The following DNAH10 variants were observed in gnomAD, a reference collection of about 807,000 sequenced individuals.
DNAH10 encodes the protein axonemal beta dynein heavy chain 10.
A neutral mutation model predicts 506.6 loss-of-function variants in DNAH10; 348 were observed. That is an observed-to-expected ratio of 0.69 (90% CI 0.63 to 0.75). DNAH10 has a LOEUF of 0.75. Among genes scored for constraint, DNAH10 ranks in the 30% least tolerant of loss-of-function variants. The probability of loss-of-function intolerance (pLI) is 0.00; values close to 1 mark genes in which losing one functional copy is unlikely to be tolerated. For missense variants in DNAH10, 5,179 were observed against 5,787.1 expected (o/e 0.89, Z 3.41); for synonymous variants, 2,059 against 2,198.6 (o/e 0.94, Z 1.78).
intron 58 of DNAH10, among the ~76,000 whole-genome samples, chr12:123,910,131 C>G (rs1237441779): frequency 6.6e-6 from 1 of 152,182 alleles, no homozygotes; most frequent in Non-Finnish European, 1.5e-5. Context: ...CTACAAAAAC[C>G]CAAGGCACTC....
rs202083798 is a variant in DNAH10, at chr12:123,898,768, C to G, written c.9594C>G (p.Ala3198=). 1 of 1,612,436 alleles carries G rather than the reference C, an allele frequency of 6.2e-7. No individual in the cohort carries two copies. The highest frequency in any genetic ancestry group is 1.3e-5 in the African/African-American group (1 of 74,988). The change falls in exon 56 of 79, where the codon GCC becomes GCG. Residue 3198 remains alanine, a synonymous_variant. Transcript: ENST00000673944. The part of the protein sequence containing the change: ...EQKIVLAEKS[A]ACEALLEEIA... ...AGATCGTGCTGGCGGAGAAGTCCGC[C>G]GCCTGCGAGGCCTTGCTGGAGGAGA...
At chr12:123,808,173 C>T (rs189334613) in intron 18 of DNAH10, among the ~76,000 whole-genome samples, 8 of 152,298 alleles carry the variant, frequency 5.3e-5, no homozygotes, top group African/African-American at 1.9e-4. Flanking sequence ...TCTGGGACCA[C>T]AGGCGTGTGC....
At chr12:123,904,524 G>A (rs548849723) in intron 57 of DNAH10, among the ~76,000 whole-genome samples, 1 of 152,074 alleles carries the variant, frequency 6.6e-6, no homozygotes, top group Non-Finnish European at 1.5e-5. Flanking sequence ...TGGAGGAGTG[G>A]GGGGGAGCTT....
At position 123,931,815 on chromosome 12, in the gene DNAH10, C is replaced by G. The variant is rs370371005; in HGVS notation, c.13096C>G (p.Arg4366Gly). The part of the protein sequence containing the change: ...ELERFNKLVV[R>G]MTKSLAELQR... ...GGAACGCTTCAACAAGCTTGTGGTCCGGATGACGAAGTCTCTGGCTGAACT... is the reference window on the plus strand; with the variant it reads ...GGAACGCTTCAACAAGCTTGTGGTCGGGATGACGAAGTCTCTGGCTGAACT... Residue 4366 changes from arginine (R) to glycine (G), a missense_variant, in exon 75 of 79, where the codon CGG (arginine) becomes GGG (glycine). Coordinates refer to ENST00000673944, the MANE Select transcript of DNAH10 (RefSeq NM_001372106.1). The G allele has an allele frequency of 9.3e-6, 15 of 1,613,858 alleles. No homozygotes were observed. Among genetic ancestry groups the G allele is most frequent in the African/African-American group, 5.3e-5 (4 of 74,914 alleles).
chr12:123,765,406 T>TA (rs956933508), intron 1 of DNAH10, among the ~76,000 whole-genome samples: 6 of 152,198 alleles, frequency 3.9e-5, no homozygotes, highest in Non-Finnish European at 7.3e-5. Flanking sequence ...CTCCATCCCT[T>TA]AAGCCCCAGT....
chr12:123,868,899 T>C (rs903622953), intron 43 of DNAH10, among the ~76,000 whole-genome samples: 1 of 152,232 alleles, frequency 6.6e-6, no homozygotes, highest in African/African-American at 2.4e-5. Flanking sequence ...AACTGAAATC[T>C]CCCTTTGGGG....
intron 30 of DNAH10, among the ~76,000 whole-genome samples, chr12:123,844,362 G>A (rs542029517): frequency 6.6e-6 from 1 of 152,272 alleles, no homozygotes; most frequent in African/African-American, 2.4e-5. Context: ...ACAGCTCTGA[G>A]TCCATTATTT....
intron 48 of DNAH10, among the ~76,000 whole-genome samples, chr12:123,878,742 T>G (rs114055398): frequency 0.012 from 1,757 of 151,988 alleles, 36 homozygotes; most frequent in African/African-American, 0.04. Context: ...ACAAAAAAAT[T>G]TAAAAAATTA....
At chr12:123,897,462 G>A (rs760209007) in intron 54 of DNAH10, among the ~76,000 whole-genome samples, 15 of 152,262 alleles carry the variant, frequency 9.9e-5, no homozygotes, top group Non-Finnish European at 2.1e-4. Context: ...GGTGAGTCAC[G>A]CCTGTAATCC....
intron 45 of DNAH10, among the ~76,000 whole-genome samples, chr12:123,873,326 C>T (rs1224753647): frequency 6.6e-6 from 1 of 152,162 alleles, no homozygotes; most frequent in Non-Finnish European, 1.5e-5. Flanking sequence ...CACATTGTCC[C>T]CAAGGCTCAC....
At chr12:123,796,500 A>C (rs936477069) in intron 12 of DNAH10, among the ~76,000 whole-genome samples, 156 bp from the exon 13 acceptor site, 1 of 152,218 alleles carries the variant, frequency 6.6e-6, no homozygotes, top group Non-Finnish European at 1.5e-5. Context: ...CATAAGAAAA[A>C]GTAGTAAATA....
chr12:123,884,874 T>C (rs11057383), intron 51 of DNAH10, among the ~76,000 whole-genome samples: 70,801 of 152,088 alleles, frequency 0.47, 16,869 homozygotes, highest in Non-Finnish European at 0.51. Context: ...CACCTAAAGA[T>C]TGCCACTGTT....
intron 2 of DNAH10, among the ~76,000 whole-genome samples, chr12:123,768,148 T>C (rs1161390679): frequency 1.0e-5 from 1 of 100,374 alleles, no homozygotes; most frequent in East Asian, 1.9e-4. Context: ...CCTCCTTTTT[T>C]TTTGAGACAG....
At chr12:123,808,437 C>G (rs1319119534) in intron 18 of DNAH10, among the ~76,000 whole-genome samples, 1 of 152,160 alleles carries the variant, frequency 6.6e-6, no homozygotes, top group Non-Finnish European at 1.5e-5. Context: ...AGTTCCATCC[C>G]TGGGTGTCAC....
chr12:123,849,070 G>A (rs1024256498), intron 34 of DNAH10, among the ~76,000 whole-genome samples, 188 bp downstream of exon 34: 2 of 152,170 alleles, frequency 1.3e-5, no homozygotes, highest in African/African-American at 4.8e-5. Context: ...GATAAGGTTT[G>A]TAATAGTCCA....
Position 123,928,226 on chromosome 12 carries a change from G to A in DNAH10, c.12106-161G>A. ...GGGCCCATGGGGTTTCTCAAAGATG[G>A]TTTATTTGAAGGCTCCACCTGTAGC... On this transcript the variant is annotated intron_variant, in intron 69 of 78. Coordinates refer to ENST00000673944, the MANE Select transcript of DNAH10 (RefSeq NM_001372106.1). The surrounding 1 kb of genome is among the most constrained non-coding windows in gnomAD (Gnocchi z 4.9). 2 of 791,034 alleles carry A rather than the reference G, an allele frequency of 2.5e-6. No homozygotes were observed. The highest frequency in any genetic ancestry group is 3.9e-6 in the Non-Finnish European group (2 of 508,600). The allele number at this position is 791,034 out of a possible 1,614,324, so 49.0% of individuals were successfully genotyped here.
At chr12:123,810,769 C>G (rs1958902798) in intron 19 of DNAH10, among the ~76,000 whole-genome samples, 1 of 152,114 alleles carries the variant, frequency 6.6e-6, no homozygotes, top group African/African-American at 2.4e-5. Context: ...GTCTCTGTTA[C>G]ATAAATTCTC....
intron 28 of DNAH10, among the ~76,000 whole-genome samples, chr12:123,836,106 C>T (rs530082916): frequency 1.3e-5 from 2 of 152,208 alleles, no homozygotes; most frequent in East Asian, 1.9e-4. Context: ...ATGTATCTCT[C>T]ATGGTTCTGT....
chr12:123,781,208 A>C lies in DNAH10; in HGVS notation c.750A>C (p.Glu250Asp). 6.2e-7 allele frequency: 1 copy of C among 1,614,200 alleles called. No homozygotes were observed. The highest frequency in any genetic ancestry group is 8.5e-7 in the Non-Finnish European group (1 of 1,180,040). ...CGCCCATGCCTGGGGAGGCAGTAGAATATCACAGTATTCAATTAATACGGG... is the reference window on the plus strand; with the variant it reads ...CGCCCATGCCTGGGGAGGCAGTAGACTATCACAGTATTCAATTAATACGGG... ...DLPPMPGEAV[E>D]YHSIQLIRDE... is the part of the protein sequence containing the mutation. The change falls in exon 6 of 79, where the codon GAA (glutamate) becomes GAC (aspartate). Residue 250 changes from glutamate to aspartate, a missense_variant. Coordinates refer to ENST00000673944, the MANE Select transcript of DNAH10 (RefSeq NM_001372106.1).
Sources: gnomAD v4.1 joint callset for allele counts (sites outside exome capture counted in the v4.1 genomes callset) on GRCh38, gnomAD v4.1.1 for gene constraint, Gnocchi (gnomAD v3.1) non-coding constraint, MANE v1.5 for transcripts, NCBI Gene and HGNC (gene_info 2026-07-23, HGNC 2026-07-21) for gene names.